Variants in PLAGL1 observed in about 807,000 individuals in gnomAD.
PLAGL1 encodes the protein PLAG1 like zinc finger 1.
In PLAGL1, 1 loss-of-function variant was observed where a neutral mutation model predicts 4.6. The observed-to-expected ratio is 0.22, with a 90% CI of 0.08 to 1.03. The LOEUF (loss-of-function observed/expected upper bound fraction) is 1.03, where lower values mean the gene tolerates loss of function less well. Ranked by LOEUF, PLAGL1 falls within the 50% of genes least tolerant of loss-of-function variation. PLAGL1 has a pLI of 0.58. For missense variants in PLAGL1, 464 were observed against 570.4 expected, an observed-to-expected ratio of 0.81 and a Z score of 1.90; for synonymous variants, 240 against 237.8, an observed-to-expected ratio of 1.01 and a Z score of -0.08.
chr6:143,942,628 TGGTGAGATTTCTGGGGAGA>T lies in PLAGL1; in HGVS notation c.169_187del (p.Pro58ValfsTer14). 6.2e-7 allele frequency: 1 copy of T among 1,613,826 alleles called. No individual in the cohort carries two copies. The highest frequency in any genetic ancestry group is 1.1e-5 in the South Asian group (1 of 91,066). ...GAACGTCTTCTCACAGTGAGCACAC[TGGTGAGATTTCTGGGGAGA>T]ATGGGTAGCCATATGCCTAGGAGCA... On this transcript the variant is annotated frameshift_variant, in exon 8 of 8. Coordinates refer to ENST00000674357, the MANE Select transcript of PLAGL1 (RefSeq NM_001317162.2). LOFTEE classifies it low-confidence loss of function (END_TRUNC). This position sits in a 1 kb window ranked among gnomAD's most constrained non-coding sequence, Gnocchi z 7.6.
At position 143,943,031 on chromosome 6, in the gene PLAGL1, A is replaced by ATTTTCTTTTT. The variant is rs1778982078; in HGVS notation, c.153-369_153-368insAAAAAGAAAA. ...AGGCACACACCACCAGGCCTGGCTA[A>ATTTTCTTTTT]TTTTTTTTTTTTTTTTTTTGAGACA... is the stretch of plus-strand genomic sequence containing the variant. On this transcript the variant is annotated intron_variant, in intron 7 of 7. Coordinates refer to ENST00000674357, the MANE Select transcript of PLAGL1 (RefSeq NM_001317162.2). Among the ~76,000 whole-genome samples the ATTTTCTTTTT allele has an allele frequency of 4.6e-5, 3 of 64,650 alleles. No homozygotes were observed. In the East Asian group the frequency reaches 2.1e-3, roughly 45 times the overall value. The allele number at this position is 64,650 out of a possible 152,430, so 42.4% of individuals were successfully genotyped here.
rs1422614860 is a variant in PLAGL1 at position 144,056,887 on chromosome 6, C to G, written c.-151+7581G>C. On this transcript the variant is annotated intron_variant, in intron 1 of 3. Coordinates refer to the PLAGL1 transcript ENST00000437412. The surrounding 1 kb of genome is among the most constrained non-coding windows in gnomAD (Gnocchi z 4.7). ...TGTTGCCCAGGCTGCTCTCAAACTC[C>G]CAGGCTCAAGCAATCCTCCTGCCTC... Among the ~76,000 whole-genome samples, 2 of 152,044 alleles carry G rather than the reference C, an allele frequency of 1.3e-5. No individual in the cohort carries two copies. The highest frequency in any genetic ancestry group is 2.9e-5 in the Non-Finnish European group (2 of 67,988).
intron 1 of PLAGL1, among the ~76,000 whole-genome samples, chr6:144,030,082 T>C (rs1387108315): frequency 6.6e-6 from 1 of 151,732 alleles, no homozygotes; most frequent in East Asian, 1.9e-4. Flanking sequence ...TGAAACCCTG[T>C]CTCCACTAAA....
At chr6:144,012,932 G>A (rs1795289600), upstream of PLAGL1, among the ~76,000 whole-genome samples, 1 of 152,144 alleles carries the variant, frequency 6.6e-6, no homozygotes, top group African/African-American at 2.4e-5. The surrounding 1 kb of genome is among the most constrained non-coding windows in gnomAD (Gnocchi z 4.8). Context: ...CTCAGGGCAG[G>A]GTTGCCACAT....
intron 1 of PLAGL1, among the ~76,000 whole-genome samples, chr6:144,052,360 G>A (rs1029324826): frequency 1.3e-5 from 2 of 152,184 alleles, no homozygotes; most frequent in African/African-American, 4.8e-5. Context: ...AATTATGTGA[G>A]GCAGTGTGAT....
In PLAGL1 at chr6:144,050,426, A is replaced by T. The variant is rs1798495424; in HGVS notation, c.-151+14042T>A. On this transcript the variant is annotated intron_variant, in intron 1 of 3. Transcript: ENST00000437412. This position sits in a 1 kb window ranked among gnomAD's most constrained non-coding sequence, Gnocchi z 4.3. Reference sequence around the variant, plus strand: ...CCAAATCCCTTCTCAGAGCATTTTTATCGCTCATATGTTATTCTCTTTTCT... The same window carrying T: ...CCAAATCCCTTCTCAGAGCATTTTTTTCGCTCATATGTTATTCTCTTTTCT... 6.6e-6 allele frequency among the ~76,000 whole-genome samples: 1 copy of T among 152,208 alleles called. No homozygotes were observed. The highest frequency in any genetic ancestry group is 1.5e-5 in the Non-Finnish European group (1 of 68,034).
rs1013129139 is a variant in PLAGL1 at position 143,966,914 on chromosome 6, C to A, written c.-471-716G>T. On this transcript the variant is annotated intron_variant, in intron 3 of 7. Coordinates refer to ENST00000674357, the MANE Select transcript of PLAGL1 (RefSeq NM_001317162.2). The surrounding 1 kb of genome is among the most constrained non-coding windows in gnomAD (Gnocchi z 6.0). ...ATTCCTTAGATAATACATTTTCTTA[C>A]CTAAAAGTGGTACAATAATGGGTTT... is the stretch of plus-strand genomic sequence containing the variant. 1 of 152,210 alleles carries A rather than the reference C, an allele frequency of 6.6e-6. No homozygotes were observed. Among genetic ancestry groups the A allele is most frequent in the East Asian group, 1.9e-4 (1 of 5,176 alleles). The allele number at this position is 152,210 out of a possible 1,614,324, so 9.4% of individuals were successfully genotyped here.
intron 1 of PLAGL1, among the ~76,000 whole-genome samples, chr6:144,029,686 A>AT (rs2128706400): frequency 6.6e-6 from 1 of 152,340 alleles, no homozygotes; most frequent in Admixed American, 6.5e-5. Context: ...TCTCTCACAT[A>AT]TTGCTGATCG....
chr6:144,054,776 A>AGTGTGTGTGTGT (rs55975441), intron 1 of PLAGL1, among the ~76,000 whole-genome samples: 306 of 142,280 alleles, frequency 2.2e-3, no homozygotes, highest in Non-Finnish European at 3.1e-3. Context: ...ACTAAAAAAG[A>AGTGTGTGTGTGT]GTGTGTGTGT....
At position 143,945,632 on chromosome 6, in the gene PLAGL1, C is replaced by T. The variant is rs1032476342; in HGVS notation, c.152+2353G>A. On this transcript the variant is annotated intron_variant, in intron 7 of 7. Coordinates refer to ENST00000674357, the MANE Select transcript of PLAGL1 (RefSeq NM_001317162.2). The surrounding 1 kb of genome is among the most constrained non-coding windows in gnomAD (Gnocchi z 4.2). ...CTGGGATTACAGGCGTGTACCACCA[C>T]GCCCAGCTAATTTTTTGTATTTTTA... 6.6e-6 allele frequency among the ~76,000 whole-genome samples: 1 copy of T among 152,152 alleles called. No homozygotes were observed. The highest frequency in any genetic ancestry group is 1.5e-5 in the Non-Finnish European group (1 of 68,030).
In PLAGL1 at chr6:144,061,050, G is replaced by A. The variant is rs1403596778; in HGVS notation, c.-151+3418C>T. 6.6e-6 allele frequency among the ~76,000 whole-genome samples: 1 copy of A among 152,156 alleles called. No individual in the cohort carries two copies. The highest frequency in any genetic ancestry group is 1.9e-4 in the East Asian group (1 of 5,204). ...AGGAGACCTCCACTTATAAGCCTCA[G>A]AAAGAAAAATGTAATTTTCAAAGAA... is the stretch of plus-strand genomic sequence containing the variant. On this transcript the variant is annotated intron_variant, in intron 1 of 3. Coordinates refer to the PLAGL1 transcript ENST00000437412. The surrounding 1 kb of genome is among the most constrained non-coding windows in gnomAD (Gnocchi z 4.4).
At chr6:144,020,037 A>G (rs1432467420) in intron 1 of PLAGL1, among the ~76,000 whole-genome samples, 1 of 152,096 alleles carries the variant, frequency 6.6e-6, no homozygotes, top group Non-Finnish European at 1.5e-5. Context: ...GGAGGTAATT[A>G]GGTCATGAAG....
rs188973146 is a variant in PLAGL1 at position 143,958,745 on chromosome 6, A to G, written c.-325+1724T>C. Among the ~76,000 whole-genome samples the G allele has an allele frequency of 2.6e-5, 4 of 152,330 alleles. No individual in the cohort carries two copies. Among genetic ancestry groups the G allele is most frequent in the East Asian group, 3.9e-4 (2 of 5,188 alleles). On this transcript the variant is annotated intron_variant, in intron 6 of 7. Transcript: ENST00000674357. The surrounding 1 kb of genome is among the most constrained non-coding windows in gnomAD (Gnocchi z 5.1). Reference sequence around the variant, plus strand: ...TTCTTTTTAAACTGATTAACATTTCATCAGGTTTCCATTTTAAAAGAAAAT... The same window carrying G: ...TTCTTTTTAAACTGATTAACATTTCGTCAGGTTTCCATTTTAAAAGAAAAT...
chr6:143,964,006 CT>C lies in PLAGL1; in HGVS notation c.-399+780del, dbSNP rs1236346972. Among the ~76,000 whole-genome samples, 1 of 152,148 alleles carries C rather than the reference CT, an allele frequency of 6.6e-6. No homozygotes were observed. Among genetic ancestry groups the C allele is most frequent in the Non-Finnish European group, 1.5e-5 (1 of 68,032 alleles). On this transcript the variant is annotated intron_variant, in intron 5 of 7. Transcript: ENST00000674357. The surrounding 1 kb of genome is among the most constrained non-coding windows in gnomAD (Gnocchi z 4.3). ...ATCTAAACCCAGAGAAGAAATTCTG[CT>C]GGACTTCTGGGAGGCGAGAAGGAGA...
chr6:143,999,572 A>G (rs557687455), intron 1 of PLAGL1, among the ~76,000 whole-genome samples: 50 of 152,340 alleles, frequency 3.3e-4, no homozygotes, highest in African/African-American at 1.1e-3. Context: ...AAAGACTCAG[A>G]TATAAATCGC....
At position 143,989,252 on chromosome 6, in the gene PLAGL1, G is replaced by A. The variant is rs1789883568; in HGVS notation, c.-583-4078C>T. 2.6e-5 allele frequency among the ~76,000 whole-genome samples: 4 copies of A among 152,214 alleles called. No homozygotes were observed. In the South Asian group the frequency reaches 8.3e-4, roughly 31 times the overall value. The stretch of plus-strand genomic sequence containing the variant: ...AAATGCAGGGAGGACTCAGAGATGA[G>A]TTCTCATCCCTGGAGAGTGTGATAT... On this transcript the variant is annotated intron_variant, in intron 1 of 7. Coordinates refer to ENST00000674357, the MANE Select transcript of PLAGL1 (RefSeq NM_001317162.2). The surrounding 1 kb of genome is among the most constrained non-coding windows in gnomAD (Gnocchi z 4.8).
rs1326701979 is a variant in PLAGL1 at position 143,983,534 on chromosome 6, G to T, written c.-544+1601C>A. Among the ~76,000 whole-genome samples, 1 of 152,048 alleles carries T rather than the reference G, an allele frequency of 6.6e-6. No homozygotes were observed. The highest frequency in any genetic ancestry group is 6.6e-5 in the Admixed American group (1 of 15,256). On this transcript the variant is annotated intron_variant, in intron 2 of 7. Coordinates refer to ENST00000674357, the MANE Select transcript of PLAGL1 (RefSeq NM_001317162.2). The surrounding 1 kb of genome is among the most constrained non-coding windows in gnomAD (Gnocchi z 6.6). ...GTAAGCTTTAAATTGAGCATGGCTG[G>T]GTATCTTTCTCCAGCTACGTTCAGC...
chr6:143,990,310 G>A lies in PLAGL1; in HGVS notation c.-583-5136C>T, dbSNP rs1164253120. On this transcript the variant is annotated intron_variant, in intron 1 of 7. Coordinates refer to ENST00000674357, the MANE Select transcript of PLAGL1 (RefSeq NM_001317162.2). The surrounding 1 kb of genome is among the most constrained non-coding windows in gnomAD (Gnocchi z 5.4). ...TAATTTTTGTATTTTTATTAGAGAC[G>A]GGGTTTCAACATGTTGGCCAGGATG... 6.6e-6 allele frequency among the ~76,000 whole-genome samples: 1 copy of A among 152,000 alleles called. No homozygotes were observed.
At chr6:144,047,274 T>G (rs1247021250) in intron 1 of PLAGL1, among the ~76,000 whole-genome samples, 2 of 152,202 alleles carry the variant, frequency 1.3e-5, no homozygotes, top group Non-Finnish European at 2.9e-5. Context: ...ACCTGTCTTC[T>G]GCATCGATCA....
Sources: allele counts gnomAD v4.1 joint callset (sites outside exome capture counted in the v4.1 genomes callset), GRCh38; gene constraint gnomAD v4.1.1; non-coding constraint Gnocchi (gnomAD v3.1); transcripts MANE v1.5; gene names NCBI Gene and HGNC (gene_info 2026-07-23, HGNC 2026-07-21).